The following TTC29 variants were observed in gnomAD, a reference collection of about 807,000 sequenced individuals.
TTC29 encodes tetratricopeptide repeat domain 29, also known as tetratricopeptide repeat protein 29.
In TTC29, 49 loss-of-function variants were observed where a neutral mutation model predicts 58.1. The observed-to-expected ratio is 0.84, with a 90% CI of 0.67 to 1.07. The LOEUF is 1.07. TTC29 is among the 50% of genes least tolerant of loss of function. TTC29 has a pLI of 0.00. For missense variants in TTC29, 582 were observed against 555.6 expected (o/e 1.05, Z -0.48); for synonymous variants, 209 against 196.8 (o/e 1.06, Z -0.52).
At position 146,707,115 on chromosome 4, in the gene TTC29, A is replaced by T. The variant is rs1315164891; in HGVS notation, c.*43T>A. ...TACAAGTATTGAAGTCTAAGGTGAC[A>T]TGATGGATTTCTTCTTGCTTTGATG... On this transcript the variant is annotated 3_prime_UTR_variant, in exon 13 of 13. Transcript: ENST00000325106. 4 of 1,471,660 alleles carry T rather than the reference A, an allele frequency of 2.7e-6. No individual in the cohort carries two copies. The South Asian group carries it at 5.4e-5, about 20-fold the overall frequency. The allele number at this position is 1,471,660 out of a possible 1,614,324, so 91.2% of individuals were successfully genotyped here.
intron 11 of TTC29, among the ~76,000 whole-genome samples, chr4:146,708,473 A>T (rs1742226772): frequency 1.3e-5 from 2 of 150,006 alleles, no homozygotes; most frequent in Admixed American, 6.7e-5. Flanking sequence ...TGGGAAGTTT[A>T]TATATGTAGA....
chr4:146,804,803 G>C (rs1048472778), intron 10 of TTC29, among the ~76,000 whole-genome samples: 1 of 152,196 alleles, frequency 6.6e-6, no homozygotes, highest in Non-Finnish European at 1.5e-5. Context: ...GGCTGTGGGC[G>C]CAGCTTCAGC....
chr4:146,915,445 A>G (rs1284113357), intron 4 of TTC29, among the ~76,000 whole-genome samples: 1 of 152,062 alleles, frequency 6.6e-6, no homozygotes, highest in African/African-American at 2.4e-5. Flanking sequence ...TCTCTTTAAA[A>G]GGAGAGAGCA....
chr4:146,803,385 C>G, intron 11 of TTC29, 72 bp downstream of exon 11: 1 of 1,130,004 alleles, frequency 8.8e-7, no homozygotes, highest in Non-Finnish European at 1.2e-6. Context: ...TTGAGTGAAA[C>G]TTTCCAATGA....
chr4:146,762,165 A>G (rs561782522), intron 11 of TTC29, among the ~76,000 whole-genome samples: 7 of 152,034 alleles, frequency 4.6e-5, no homozygotes, highest in South Asian at 2.1e-4. Flanking sequence ...CTGATCTTGA[A>G]TCCACAGAGC....
At chr4:146,877,425 T>C (rs948342244) in intron 6 of TTC29, among the ~76,000 whole-genome samples, 5 of 152,190 alleles carry the variant, frequency 3.3e-5, no homozygotes, top group Non-Finnish European at 1.5e-5. Context: ...AAGGTTGAAG[T>C]TCATGGCTCT....
chr4:146,884,794 TAGG>T (rs1731869395), intron 6 of TTC29, among the ~76,000 whole-genome samples: 1 of 151,984 alleles, frequency 6.6e-6, no homozygotes, highest in African/African-American at 2.4e-5. Flanking sequence ...CTGCAGCCAT[TAGG>T]AGTTCTTGCT....
At chr4:146,787,901 T>TC (rs2150097829) in intron 11 of TTC29, among the ~76,000 whole-genome samples, 1 of 151,758 alleles carries the variant, frequency 6.6e-6, no homozygotes, top group Admixed American at 6.6e-5. Context: ...TGCCCCCTTT[T>TC]TTTTTTATTT....
chr4:146,932,181 TA>T (rs945318619), intron 4 of TTC29, among the ~76,000 whole-genome samples: 1 of 152,194 alleles, frequency 6.6e-6, no homozygotes, highest in Admixed American at 6.5e-5. Context: ...CGCTTATTTT[TA>T]AAAAAATTCA....
chr4:146,867,635 C>A, intron 7 of TTC29, 52 bp from the exon 8 acceptor site: 7 of 856,492 alleles, frequency 8.2e-6, no homozygotes, highest in South Asian at 3.7e-5. Context: ...TGATTTATTA[C>A]AACAAACAGA....
chr4:146,833,958 T>A, intron 8 of TTC29, 61 bp from the exon 9 acceptor site: 1 of 1,159,000 alleles, frequency 8.6e-7, no homozygotes, highest in Admixed American at 2.5e-5. Flanking sequence ...GATGTTTCAT[T>A]TCATAACAGA....
intron 11 of TTC29, among the ~76,000 whole-genome samples, chr4:146,741,994 A>T (rs1310016328): frequency 6.6e-6 from 1 of 152,182 alleles, no homozygotes; most frequent in African/African-American, 2.4e-5. Context: ...CACATGCATT[A>T]TCTCATTTAA....
chr4:146,755,722 T>C (rs1746390799), intron 11 of TTC29, among the ~76,000 whole-genome samples: 1 of 152,056 alleles, frequency 6.6e-6, no homozygotes, highest in East Asian at 1.9e-4. Flanking sequence ...CACAATATTA[T>C]GTTATATACC....
intron 11 of TTC29, among the ~76,000 whole-genome samples, chr4:146,797,832 TTATA>T (rs70958528): frequency 0.016 from 2,075 of 130,010 alleles, 73 homozygotes; most frequent in African/African-American, 0.052. Context: ...TTACTTTGTT[TTATA>T]TATATATATA....
intron 4 of TTC29, among the ~76,000 whole-genome samples, chr4:146,928,066 C>T (rs138404270): frequency 6.6e-5 from 10 of 152,090 alleles, no homozygotes; most frequent in Middle Eastern, 3.4e-3. Flanking sequence ...CTAATACAGT[C>T]GAGCCATTTA....
chr4:146,945,757 A>T lies in TTC29; in HGVS notation c.-102T>A, dbSNP rs1736881740. ...CAACTCCAGTTTTCCGTTCCGCCGA[A>T]GTCAGTCCCCCACCGGCGGCAGGTG... On this transcript the variant is annotated 5_prime_UTR_variant, in exon 1 of 13. Coordinates refer to ENST00000325106, the MANE Select transcript of TTC29 (RefSeq NM_031956.4). 1 of 152,384 alleles carries T rather than the reference A, an allele frequency of 6.6e-6. No homozygotes were observed. The highest frequency in any genetic ancestry group is 1.5e-5 in the Non-Finnish European group (1 of 68,198). 9.4% of individuals were successfully genotyped at this position (152,384 alleles called of 1,614,324 possible).
intron 7 of TTC29, 27 bp from the exon 8 acceptor site, chr4:146,867,610 C>T: frequency 3.7e-6 from 4 of 1,085,470 alleles, no homozygotes; most frequent in Non-Finnish European, 5.3e-6. Flanking sequence ...AAAAAATTAC[C>T]AAGTATTCAA....
chr4:146,820,368 T>C, intron 9 of TTC29, 120 bp from the exon 10 acceptor site: 2 of 1,140,950 alleles, frequency 1.8e-6, no homozygotes, highest in Non-Finnish European at 2.4e-6. Flanking sequence ...TAATAAGATT[T>C]AATGTGTAAA....
chr4:146,855,925 C>T (rs1014761348), intron 8 of TTC29, among the ~76,000 whole-genome samples: 6 of 152,104 alleles, frequency 3.9e-5, no homozygotes, highest in African/African-American at 1.4e-4. Context: ...GGTGTAATGC[C>T]TCTTCTTCTT....
Sources: allele counts gnomAD v4.1 joint callset (sites outside exome capture counted in the v4.1 genomes callset), GRCh38; gene constraint gnomAD v4.1.1; transcripts MANE v1.5; gene names NCBI Gene and HGNC (gene_info 2026-07-23, HGNC 2026-07-21).